The following TIAM1 variants were observed in gnomAD, a reference collection of about 807,000 sequenced individuals.
TIAM1 encodes rho guanine nucleotide exchange factor TIAM1.
A neutral mutation model predicts 163.5 loss-of-function variants in TIAM1; 65 were observed. The observed-to-expected ratio is 0.40, with a 90% CI of 0.33 to 0.49. The LOEUF (loss-of-function observed/expected upper bound fraction) is 0.49, where lower values mean the gene tolerates loss of function less well. TIAM1 is among the 20% of genes least tolerant of loss of function. TIAM1 has a pLI of 0.77. For missense variants in TIAM1, 1,789 were observed against 2,044.7 expected (o/e 0.87, Z 2.41); for synonymous variants, 833 against 810.1 (o/e 1.03, Z -0.48).
intron 5 of TIAM1, among the ~76,000 whole-genome samples, chr21:31,249,186 G>A (rs758493787): frequency 5.3e-5 from 8 of 152,176 alleles, no homozygotes; most frequent in Admixed American, 2.0e-4. Context: ...ATGAGGTCAC[G>A]TGGGTGGTCC....
intron 2 of TIAM1, among the ~76,000 whole-genome samples, chr21:31,400,117 A>G (rs1569298464): frequency 6.6e-6 from 1 of 150,450 alleles, no homozygotes; most frequent in African/African-American, 2.4e-5. Flanking sequence ...TAAGGACAAC[A>G]CTCTTTTTTT....
At chr21:31,418,290 C>A (rs1201945443) in intron 2 of TIAM1, among the ~76,000 whole-genome samples, 1 of 140,248 alleles carries the variant, frequency 7.1e-6, no homozygotes, top group Non-Finnish European at 1.5e-5. Flanking sequence ...TGAGGTGAGC[C>A]GAGATCACGC....
chr21:31,131,638 A>C (rs1449624157), intron 23 of TIAM1, among the ~76,000 whole-genome samples: 1 of 152,234 alleles, frequency 6.6e-6, no homozygotes, highest in Non-Finnish European at 1.5e-5. Flanking sequence ...TAGAAGGGTA[A>C]GTAGAGTTGG....
intron 6 of TIAM1, among the ~76,000 whole-genome samples, chr21:31,243,706 G>A (rs1273197942): frequency 6.6e-6 from 1 of 152,124 alleles, no homozygotes; most frequent in Admixed American, 6.5e-5. Flanking sequence ...ATGATACCTA[G>A]ACACATAATA....
At chr21:31,389,921 T>A (rs2076940665) in intron 2 of TIAM1, among the ~76,000 whole-genome samples, 1 of 152,200 alleles carries the variant, frequency 6.6e-6, no homozygotes, top group Non-Finnish European at 1.5e-5. Flanking sequence ...ATGTCCAACA[T>A]GACAAATTTA....
In TIAM1 at chr21:31,430,225, A is replaced by ATATAT. The variant is rs1177898443; in HGVS notation, c.-369+33757_-369+33758insATATA. Among the ~76,000 whole-genome samples, 91 of 90,214 alleles carry ATATAT rather than the reference A, an allele frequency of 1.0e-3. 1 individual carries two copies. Among genetic ancestry groups the ATATAT allele is most frequent in the Middle Eastern group, 6.2e-3 (1 of 162 alleles). The allele number at this position is 90,214 out of a possible 152,430, so 59.2% of individuals were successfully genotyped here. On this transcript the variant is annotated intron_variant, in intron 2 of 28. Coordinates refer to the TIAM1 transcript ENST00000286827. ...CCATCTCAAAGAAAAAAAAAAAAAA[A>ATATAT]ATATATATATATATATATATATACA...
At position 31,271,364 on chromosome 21, in the gene TIAM1, C is replaced by T. The variant is rs191012383; in HGVS notation, c.-11-4381G>A. Among the ~76,000 whole-genome samples the T allele has an allele frequency of 2.2e-4, 33 of 152,290 alleles. No homozygotes were observed. The East Asian group carries it at 6.0e-3, about 28-fold the overall frequency. ...CACAATGCTAATGAGACACAGCACACATCAGTCTTAAATACGCTAGCCTCT... is the reference window on the plus strand; with the variant it reads ...CACAATGCTAATGAGACACAGCACATATCAGTCTTAAATACGCTAGCCTCT... On this transcript the variant is annotated intron_variant, in intron 3 of 27. Transcript: ENST00000541036.
At chr21:31,253,497 C>T (rs762641106) in intron 4 of TIAM1, among the ~76,000 whole-genome samples, 6 of 152,302 alleles carry the variant, frequency 3.9e-5, no homozygotes, top group East Asian at 3.9e-4. Flanking sequence ...CATATCTCCA[C>T]GAACTTCACT....
chr21:31,328,580 A>G (rs146326520), intron 2 of TIAM1, among the ~76,000 whole-genome samples: 2,478 of 151,792 alleles, frequency 0.016, 66 homozygotes, highest in African/African-American at 0.057. Flanking sequence ...TCTGGGATAC[A>G]TGTGCAGAAC....
chr21:31,140,311 TTC>T (rs2082791280), intron 22 of TIAM1, among the ~76,000 whole-genome samples: 1 of 152,186 alleles, frequency 6.6e-6, no homozygotes. Context: ...TTCCCACATT[TTC>T]TCTTTTTTAA....
chr21:31,391,354 A>G (rs1238963313), intron 2 of TIAM1, among the ~76,000 whole-genome samples: 1 of 152,036 alleles, frequency 6.6e-6, no homozygotes, highest in African/African-American at 2.4e-5. Context: ...GCCGGGCGCA[A>G]TGGCTCACCC....
intron 1 of TIAM1, among the ~76,000 whole-genome samples, chr21:31,503,258 G>A (rs957427356): frequency 4.6e-5 from 7 of 151,562 alleles, no homozygotes; most frequent in African/African-American, 1.7e-4. Context: ...AGCCAGGTGT[G>A]GTGGTGCGTG....
At chr21:31,124,434 C>G (rs1038629867) in intron 27 of TIAM1, 88 bp downstream of exon 27, 8 of 1,558,898 alleles carry the variant, frequency 5.1e-6, no homozygotes, top group Non-Finnish European at 6.9e-6. Flanking sequence ...CACACCTCAC[C>G]CCCACTCAAC....
chr21:31,417,197 T>C (rs1260422855), intron 2 of TIAM1, among the ~76,000 whole-genome samples: 1 of 152,118 alleles, frequency 6.6e-6, no homozygotes, highest in Non-Finnish European at 1.5e-5. Context: ...TAATTTTTTG[T>C]ATTTAGTAGA....
At chr21:31,426,894 C>T (rs77292039) in intron 2 of TIAM1, among the ~76,000 whole-genome samples, 5,961 of 152,024 alleles carry the variant, frequency 0.039, 377 homozygotes, top group African/African-American at 0.13. Flanking sequence ...TTTTGAGGGG[C>T]TTGGGGTGGG....
At chr21:31,182,700 A>C in intron 14 of TIAM1, 55 bp from the exon 15 acceptor site, 2 of 1,536,502 alleles carry the variant, frequency 1.3e-6, no homozygotes, top group African/African-American at 1.4e-5. Flanking sequence ...AGAACACAAC[A>C]GCTTAGGAGC....
chr21:31,330,508 A>G (rs2075644104), intron 2 of TIAM1, among the ~76,000 whole-genome samples: 1 of 152,102 alleles, frequency 6.6e-6, no homozygotes, highest in South Asian at 2.1e-4. Flanking sequence ...GTGCAATCTC[A>G]GCTCACTGCA....
intron 1 of TIAM1, among the ~76,000 whole-genome samples, chr21:31,489,495 G>A (rs986811151): frequency 1.9e-4 from 26 of 133,418 alleles, no homozygotes; most frequent in African/African-American, 7.7e-4. Flanking sequence ...GAAAGAGAGA[G>A]AGGGAGGGAG....
intron 8 of TIAM1, among the ~76,000 whole-genome samples, chr21:31,219,229 C>T (rs1333813723): frequency 3.8e-5 from 5 of 131,368 alleles, no homozygotes; most frequent in Non-Finnish European, 7.4e-5. Context: ...CTTTATCCTA[C>T]CAGGTGGCAA....
Sources: allele counts gnomAD v4.1 joint callset (sites outside exome capture counted in the v4.1 genomes callset), GRCh38; gene constraint gnomAD v4.1.1; transcripts MANE v1.5; gene names NCBI Gene and HGNC (gene_info 2026-07-23, HGNC 2026-07-21).